The following TENM3 variants were observed in gnomAD, a reference collection of about 807,000 sequenced individuals.
TENM3 encodes teneurin transmembrane protein 3.
Under a neutral mutation model 255.1 loss-of-function variants are expected in TENM3, and 63 were observed. The observed-to-expected ratio is 0.25, with a 90% CI of 0.20 to 0.30. The LOEUF is 0.30. Among genes scored for constraint, TENM3 ranks in the 10% least tolerant of loss-of-function variants. The pLI is 1.00. For synonymous variants in TENM3, 1,306 were observed against 1,322.3 expected (o/e 0.99, Z 0.27); for missense variants, 2,929 against 3,461.1 (o/e 0.85, Z 3.86).
the TENM3 span, among the ~76,000 whole-genome samples, chr4:181,544,890 T>G: frequency 8.5e-5 from 13 of 152,300 alleles, no homozygotes; most frequent in African/African-American, 2.9e-4. Flanking sequence ...AGCTGACAAA[T>G]GTTTTTGCTT....
At chr4:182,199,720 C>CTTTTTT (rs367906246) in intron 1 of TENM3, among the ~76,000 whole-genome samples, 25 of 104,844 alleles carry the variant, frequency 2.4e-4, no homozygotes, top group East Asian at 3.5e-4. Context: ...AACATCATTG[C>CTTTTTT]TTTTTTTTTT....
At chr4:182,108,054 C>G in the TENM3 span, among the ~76,000 whole-genome samples, 3 of 152,122 alleles carry the variant, frequency 2.0e-5, no homozygotes, top group South Asian at 6.2e-4. Flanking sequence ...AGTGACATAA[C>G]TTTTCACGGG....
At chr4:182,036,963 A>G in the TENM3 span, among the ~76,000 whole-genome samples, 3 of 152,176 alleles carry the variant, frequency 2.0e-5, no homozygotes, top group Non-Finnish European at 4.4e-5. Flanking sequence ...AAACTGCCCT[A>G]AACTCTTAAA....
chr4:181,472,191 T>C, the TENM3 span, among the ~76,000 whole-genome samples: 1 of 152,142 alleles, frequency 6.6e-6, no homozygotes, highest in African/African-American at 2.4e-5. Context: ...AAATATGATA[T>C]GTGTGAGTGT....
the TENM3 span, among the ~76,000 whole-genome samples, chr4:182,071,146 C>G: frequency 6.6e-6 from 1 of 152,170 alleles, no homozygotes; most frequent in South Asian, 2.1e-4. Flanking sequence ...CATACTATTT[C>G]AAGACTATGG....
chr4:181,555,897 A>T, the TENM3 span, among the ~76,000 whole-genome samples: 1 of 152,234 alleles, frequency 6.6e-6, no homozygotes, highest in Non-Finnish European at 1.5e-5. Flanking sequence ...AGAGTGGGCC[A>T]TGAAGCTTGG....
At chr4:181,739,363 T>G in the TENM3 span, among the ~76,000 whole-genome samples, 2 of 152,210 alleles carry the variant, frequency 1.3e-5, no homozygotes, top group African/African-American at 4.8e-5. Context: ...TGGTGCCCCT[T>G]GTATTGTCTG....
the TENM3 span, among the ~76,000 whole-genome samples, chr4:181,750,482 T>C: frequency 6.6e-6 from 1 of 152,190 alleles, no homozygotes. Context: ...TAGGCAGAGT[T>C]AACTTTTCTA....
At chr4:181,914,191 C>T in the TENM3 span, among the ~76,000 whole-genome samples, 104 of 152,324 alleles carry the variant, frequency 6.8e-4, no homozygotes, top group African/African-American at 2.2e-3. Flanking sequence ...ATTGAGGTGA[C>T]GCTCAACTGA....
At chr4:182,100,790 TATATACACATATATATACAC>T in the TENM3 span, among the ~76,000 whole-genome samples, 2 of 5,484 alleles carry the variant, frequency 3.6e-4, no homozygotes, top group Non-Finnish European at 2.0e-3. Context: ...TATACACATA[TATATACACATATATATACAC>T]ATATATATAC....
chr4:182,639,369 G>A (rs181129741), intron 5 of TENM3, among the ~76,000 whole-genome samples: 5 of 152,294 alleles, frequency 3.3e-5, no homozygotes, highest in Admixed American at 3.3e-4. Context: ...AAATAGTACA[G>A]CTATGGGGAA....
chr4:181,769,956 A>G, the TENM3 span, among the ~76,000 whole-genome samples: 2 of 152,192 alleles, frequency 1.3e-5, no homozygotes, highest in Non-Finnish European at 2.9e-5. Context: ...TTGTACATCA[A>G]AAATATGGTA....
At chr4:181,650,801 C>G in the TENM3 span, among the ~76,000 whole-genome samples, 2 of 152,158 alleles carry the variant, frequency 1.3e-5, no homozygotes, top group Non-Finnish European at 2.9e-5. Context: ...GAGCAAATGC[C>G]TCATTCCTAT....
the TENM3 span, among the ~76,000 whole-genome samples, chr4:181,725,513 A>C: frequency 6.8e-6 from 1 of 147,402 alleles, no homozygotes; most frequent in Non-Finnish European, 1.5e-5. Context: ...GGAGTGCAGT[A>C]GTGCAAGCTC....
Position 182,792,504 on chromosome 4 carries a change from G to C in TENM3, c.5832G>C (p.Arg1944=). The change falls in exon 26 of 28, where the codon CGG becomes CGC. Residue 1944 remains arginine, a synonymous_variant. Transcript: ENST00000511685. The surrounding 1 kb of genome is among the most constrained non-coding windows in gnomAD (Gnocchi z 6.3). ...LLQTAFLGTS[R]RVLFKYRRQT... is the part of the protein sequence containing the mutation. ...AAACAGCTTTCTTGGGTACAAGTCG[G>C]AGGGTCTTATTCAAATACAGAAGGC... is the stretch of plus-strand genomic sequence containing the variant. 1 of 1,614,034 alleles carries C rather than the reference G, an allele frequency of 6.2e-7. No individual in the cohort carries two copies. Among genetic ancestry groups the C allele is most frequent in the Non-Finnish European group, 8.5e-7 (1 of 1,179,900 alleles).
At chr4:181,784,150 C>G in the TENM3 span, among the ~76,000 whole-genome samples, 1 of 139,292 alleles carries the variant, frequency 7.2e-6, no homozygotes, top group Admixed American at 7.5e-5. Context: ...TAAATGGAAA[C>G]GAGTCATCTG....
the TENM3 span, among the ~76,000 whole-genome samples, chr4:182,112,018 G>A: frequency 6.6e-6 from 1 of 152,038 alleles, no homozygotes; most frequent in Non-Finnish European, 1.5e-5. Flanking sequence ...GGCTGGAAAG[G>A]GTGGCTCACA....
intron 25 of TENM3, among the ~76,000 whole-genome samples, chr4:182,790,628 C>G (rs1766028789): frequency 1.3e-5 from 2 of 152,160 alleles, no homozygotes; most frequent in South Asian, 2.1e-4. Context: ...CCTGTCCGCT[C>G]TCATCAGAAG....
At chr4:181,512,158 C>A in the TENM3 span, among the ~76,000 whole-genome samples, 2 of 152,152 alleles carry the variant, frequency 1.3e-5, no homozygotes, top group South Asian at 2.1e-4. Flanking sequence ...TGAAACTTCT[C>A]GCCACCCATT....
Sources: gnomAD v4.1 joint callset for allele counts (sites outside exome capture counted in the v4.1 genomes callset) on GRCh38, gnomAD v4.1.1 for gene constraint, Gnocchi (gnomAD v3.1) non-coding constraint, MANE v1.5 for transcripts, NCBI Gene and HGNC (gene_info 2026-07-23, HGNC 2026-07-21) for gene names.